The following SAG variants were observed in gnomAD, a reference collection of about 807,000 sequenced individuals.
SAG encodes S-arrestin.
A neutral mutation model predicts 55.0 loss-of-function variants in SAG; 45 were observed. That is an observed-to-expected ratio of 0.82 (90% CI 0.64 to 1.05). The LOEUF (loss-of-function observed/expected upper bound fraction) is 1.05. Among genes scored for constraint, SAG ranks in the 50% least tolerant of loss-of-function variants. The pLI, the probability that SAG is intolerant of heterozygous loss-of-function variation, is 0.00. For synonymous variants in SAG, 189 were observed against 197.4 expected (o/e 0.96, Z 0.36); for missense variants, 455 against 512.1 (o/e 0.89, Z 1.08).
intron 14 of SAG, chr2:233,345,649 A>T (rs1340799427): frequency 1.3e-5 from 2 of 152,108 alleles, no homozygotes; most frequent in African/African-American, 4.8e-5. Flanking sequence ...TGAACCTGGG[A>T]GACGGAGGTT....
At position 233,316,126 on chromosome 2, in the gene SAG, C is replaced by T. The variant is rs1482139706; in HGVS notation, c.127C>T (p.Gln43Ter). ...CTACATAGACCATGTCAGCCAAGTC[C>T]AGCCTGTGGGTAAGTTGCTTGGAGA... ...RDYIDHVSQV[Q>*]PVDGVVLVDP... is the part of the protein sequence containing the mutation. Residue 43 changes from glutamine (Q) to a stop codon, truncating the protein, a stop_gained, in exon 3 of 16, where the codon CAG becomes TAG. Transcript: ENST00000409110. LOFTEE classifies it high-confidence loss of function. 6.3e-7 allele frequency: 1 copy of T among 1,590,248 alleles called. No individual in the cohort carries two copies. The highest frequency in any genetic ancestry group is 1.1e-5 in the South Asian group (1 of 88,282).
chr2:233,329,335 C>A, intron 8 of SAG, 158 bp from the exon 9 acceptor site: 2 of 617,366 alleles, frequency 3.2e-6, no homozygotes, highest in Non-Finnish European at 5.8e-6. Flanking sequence ...GTGTTTCAGG[C>A]CCTTCCTTAG....
At chr2:233,331,817 C>T in intron 10 of SAG, 105 bp downstream of exon 10, 1 of 824,454 alleles carries the variant, frequency 1.2e-6, no homozygotes, top group African/African-American at 1.7e-5. Flanking sequence ...AGCTAGCTCG[C>T]CAGCCTTCCA....
At chr2:233,342,839 G>A in intron 14 of SAG, 1 of 157,386 alleles carries the variant, frequency 6.4e-6, no homozygotes, top group Admixed American at 6.4e-5. Flanking sequence ...GCTTACTACA[G>A]CCTCAACCTC....
chr2:233,326,620 T>C (rs1700566454), intron 6 of SAG, among the ~76,000 whole-genome samples: 1 of 149,350 alleles, frequency 6.7e-6, no homozygotes, highest in East Asian at 1.9e-4. Flanking sequence ...CTGCCCGCAC[T>C]GGGTGCCTTG....
At chr2:233,331,434 G>A in intron 9 of SAG, 1 of 614,690 alleles carries the variant, frequency 1.6e-6, no homozygotes, top group Non-Finnish European at 2.9e-6. Flanking sequence ...TTGATACAGA[G>A]CAGGTTATGG....
chr2:233,321,368 C>T (rs1260285293), intron 5 of SAG, among the ~76,000 whole-genome samples: 3 of 152,158 alleles, frequency 2.0e-5, no homozygotes, highest in African/African-American at 4.8e-5. Flanking sequence ...ATCTGCTTTA[C>T]GAGCATGTTT....
chr2:233,340,118 G>A lies in SAG; in HGVS notation c.1023-337G>A, dbSNP rs1409935315. ...ATTACAGGCGCCTGCCACCATGCCC[G>A]GCTAATTTTTGTATTTTTAGTAGAG... is the stretch of plus-strand genomic sequence containing the variant. On this transcript the variant is annotated intron_variant, in intron 12 of 15. Coordinates refer to ENST00000409110, the MANE Select transcript of SAG (RefSeq NM_000541.5). This position sits in a 1 kb window ranked among gnomAD's most constrained non-coding sequence, Gnocchi z 4.2. 2.0e-5 allele frequency among the ~76,000 whole-genome samples: 3 copies of A among 151,600 alleles called. No individual in the cohort carries two copies. Among genetic ancestry groups the A allele is most frequent in the African/African-American group, 4.8e-5 (2 of 41,244 alleles).
intron 13 of SAG, among the ~76,000 whole-genome samples, chr2:233,341,116 T>A (rs182879743): frequency 1.2e-3 from 178 of 152,196 alleles, no homozygotes; most frequent in African/African-American, 4.0e-3. Context: ...ACCTGGCAAA[T>A]TTTACCATTT....
Position 233,338,700 on chromosome 2 carries a change from C to T in SAG, c.969C>T (p.Thr323=), listed in dbSNP as rs370127904. 2.5e-5 allele frequency: 41 copies of T among 1,613,800 alleles called. No homozygotes were observed. Among genetic ancestry groups the T allele is most frequent in the East Asian group, 4.5e-5 (2 of 44,888 alleles). Reference sequence around the variant, plus strand: ...GCATTAAGGAGGGCATAGACCGGACCGTCCTGGGAATCCTGGTGTCTTACC... The same window carrying T: ...GCATTAAGGAGGGCATAGACCGGACTGTCCTGGGAATCCTGGTGTCTTACC... ...STIIKEGIDR[T]VLGILVSYQI... Residue 323 remains threonine (T), a synonymous_variant, in exon 12 of 16, where the codon ACC becomes ACT. Coordinates refer to ENST00000409110, the MANE Select transcript of SAG (RefSeq NM_000541.5).
At chr2:233,345,453 T>C (rs1334092804) in intron 14 of SAG, 1 of 152,294 alleles carries the variant, frequency 6.6e-6, no homozygotes, top group Non-Finnish European at 1.5e-5. Flanking sequence ...AGAAATACTT[T>C]GAAAGGCGAA....
At chr2:233,323,319 A>G (rs1395224015) in intron 6 of SAG, among the ~76,000 whole-genome samples, 1 of 152,022 alleles carries the variant, frequency 6.6e-6, no homozygotes, top group East Asian at 1.9e-4. Context: ...TTGGCCTCCC[A>G]AAGTGCTGGG....
At chr2:233,310,482 C>T (rs1700047951) in intron 2 of SAG, among the ~76,000 whole-genome samples, 1 of 148,208 alleles carries the variant, frequency 6.7e-6, no homozygotes. Context: ...CCCTACTGGA[C>T]AGGGTAGCTC....
chr2:233,340,858 G>C lies in SAG; in HGVS notation c.1046+380G>C, dbSNP rs941498793. On this transcript the variant is annotated intron_variant, in intron 13 of 15. Coordinates refer to ENST00000409110, the MANE Select transcript of SAG (RefSeq NM_000541.5). This position sits in a 1 kb window ranked among gnomAD's most constrained non-coding sequence, Gnocchi z 4.2. ...AGATGTAGTCTCACTCTGTGGCCCA[G>C]CCTGGAGTGCAGTGACGTGATCTCG... Among the ~76,000 whole-genome samples the C allele has an allele frequency of 6.6e-6, 1 of 152,142 alleles. No individual in the cohort carries two copies. Among genetic ancestry groups the C allele is most frequent in the African/African-American group, 2.4e-5 (1 of 41,408 alleles).
At chr2:233,339,537 G>GTTTTTTTTTTTTTT (rs10711990) in intron 12 of SAG, among the ~76,000 whole-genome samples, 1 of 129,332 alleles carries the variant, frequency 7.7e-6, no homozygotes. Context: ...TTAGCATAGT[G>GTTTTTTTTTTTTTT]TTTTTTTTTT....
intron 7 of SAG, 75 bp from the exon 8 acceptor site, chr2:233,328,403 G>C (rs1700639822): frequency 6.6e-7 from 1 of 1,526,432 alleles, no homozygotes; most frequent in South Asian, 1.2e-5. Context: ...CCATGTGACA[G>C]TGGGGAGAGA....
At position 233,318,786 on chromosome 2, in the gene SAG, G is replaced by A. The variant is rs1237999640; in HGVS notation, c.172G>A (p.Gly58Arg). The A allele has an allele frequency of 6.2e-7, 1 of 1,613,644 alleles. No individual in the cohort carries two copies. Among genetic ancestry groups the A allele is most frequent in the African/African-American group, 1.3e-5 (1 of 74,918 alleles). ...GTTGGTTGATCCTGATCTTGTGAAG[G>A]GAAAGAAAGGTGAGATGAAGCCCCT... ...VVLVDPDLVK[G>R]KKVYVTLTCA... The change falls in exon 4 of 16, where the codon GGA becomes AGA. Residue 58 changes from glycine (G) to arginine (R), a missense_variant. Transcript: ENST00000409110.
rs770671192 is a variant in SAG, at chr2:233,342,326, G to A, written c.1102G>A (p.Ala368Thr). ...RLMHPQPEDP[A>T]KESYQDANLV... ...CATGCACCCTCAGCCTGAGGACCCA[G>A]GTCAGTTATGTCCTTTTTTAGCTTT... is the stretch of plus-strand genomic sequence containing the variant. Residue 368 changes from alanine to threonine, a missense_variant and splice_region_variant, in exon 14 of 16, where the codon GCT becomes ACT. Coordinates refer to ENST00000409110, the MANE Select transcript of SAG (RefSeq NM_000541.5). The A allele has an allele frequency of 1.0e-5, 16 of 1,603,618 alleles. No individual in the cohort carries two copies. The highest frequency in any genetic ancestry group is 1.4e-5 in the Non-Finnish European group (16 of 1,173,972).
chr2:233,340,604 G>C lies in SAG; in HGVS notation c.1046+126G>C, dbSNP rs1306692993. 1 of 751,866 alleles carries C rather than the reference G, an allele frequency of 1.3e-6. No individual in the cohort carries two copies. Among genetic ancestry groups the C allele is most frequent in the South Asian group, 1.5e-5 (1 of 65,846 alleles). 46.6% of individuals were successfully genotyped at this position (751,866 alleles called of 1,614,324 possible). On this transcript the variant is annotated intron_variant, in intron 13 of 15. Transcript: ENST00000409110. This position sits in a 1 kb window ranked among gnomAD's most constrained non-coding sequence, Gnocchi z 4.2. ...AGTTGTGCTCAGAGGTGTTAGGAAT[G>C]ATGCTTTGCCTTCGGATGCATCACA...
Sources: gnomAD v4.1 joint callset for allele counts (sites outside exome capture counted in the v4.1 genomes callset) on GRCh38, gnomAD v4.1.1 for gene constraint, Gnocchi (gnomAD v3.1) non-coding constraint, MANE v1.5 for transcripts, NCBI Gene and HGNC (gene_info 2026-07-23, HGNC 2026-07-21) for gene names.